Variants in DAB1 observed in about 807,000 individuals in gnomAD.
DAB1 encodes disabled homolog 1.
Under a neutral mutation model 64.6 loss-of-function variants are expected in DAB1, and 15 were observed. That is an observed-to-expected ratio of 0.23 (90% CI 0.16 to 0.36). The LOEUF is 0.36. Among genes scored for constraint, DAB1 ranks in the 10% least tolerant of loss-of-function variants. DAB1 has a pLI of 1.00. For synonymous variants in DAB1, 235 were observed against 251.9 expected (o/e 0.93, Z 0.64); for missense variants, 596 against 706.7 (o/e 0.84, Z 1.78).
At chr1:57,388,588 G>A (rs1032239353) in intron 1 of DAB1, among the ~76,000 whole-genome samples, 3 of 152,106 alleles carry the variant, frequency 2.0e-5, no homozygotes, top group Non-Finnish European at 2.9e-5. Context: ...CTGCAGCTCC[G>A]TTGCACTTCC....
At chr1:58,345,737 A>T (rs769965810) in intron 3 of DAB1, among the ~76,000 whole-genome samples, 1 of 151,758 alleles carries the variant, frequency 6.6e-6, no homozygotes, top group Non-Finnish European at 1.5e-5. Context: ...GCCTAAGAGG[A>T]CCTCTGGCCT....
intron 1 of DAB1, among the ~76,000 whole-genome samples, chr1:57,305,569 C>G (rs988036297): frequency 1.3e-5 from 2 of 152,140 alleles, no homozygotes; most frequent in African/African-American, 4.8e-5. Context: ...CCCTCCCGCT[C>G]CAGGAAGAAT....
At chr1:58,240,933 A>G (rs536739418) in intron 4 of DAB1, among the ~76,000 whole-genome samples, 1 of 152,294 alleles carries the variant, frequency 6.6e-6, no homozygotes, top group South Asian at 2.1e-4. Context: ...AGATAAACTG[A>G]TATTACCAAG....
intron 3 of DAB1, among the ~76,000 whole-genome samples, chr1:58,469,985 T>C (rs576345027): frequency 5.9e-5 from 9 of 152,040 alleles, no homozygotes; most frequent in East Asian, 1.9e-4. Flanking sequence ...CAATAAACGT[T>C]TGTAGAAGTG....
At chr1:57,286,106 C>T (rs1364323862) in intron 2 of DAB1, among the ~76,000 whole-genome samples, 3 of 152,180 alleles carry the variant, frequency 2.0e-5, no homozygotes, top group African/African-American at 7.2e-5. Flanking sequence ...ATTGTGAATA[C>T]TCTAGTTACA....
intron 5 of DAB1, among the ~76,000 whole-genome samples, chr1:57,982,270 A>T (rs1321980054): frequency 2.6e-5 from 4 of 152,228 alleles, no homozygotes; most frequent in African/African-American, 4.8e-5. Context: ...ATTGTCCTTT[A>T]GAACAGAACC....
intron 1 of DAB1, chr1:57,883,893 G>A (rs1452186068): frequency 6.6e-6 from 1 of 152,184 alleles, no homozygotes; most frequent in Non-Finnish European, 1.5e-5. Context: ...GAAGAGTATT[G>A]GAGCCGCTTT....
intron 7 of DAB1, among the ~76,000 whole-genome samples, chr1:57,467,717 G>A (rs1158227796): frequency 1.3e-5 from 2 of 152,042 alleles, no homozygotes; most frequent in African/African-American, 2.4e-5. Context: ...GTCATCATTG[G>A]GGTTTACTAG....
At chr1:57,645,941 T>G in intron 7 of DAB1, among the ~76,000 whole-genome samples, 1 of 152,122 alleles carries the variant, frequency 6.6e-6, no homozygotes, top group East Asian at 1.9e-4. Flanking sequence ...TGTGTGATTC[T>G]ATAAGAATGA....
At chr1:57,546,339 A>G (rs924110027) in intron 7 of DAB1, among the ~76,000 whole-genome samples, 2 of 152,334 alleles carry the variant, frequency 1.3e-5, no homozygotes, top group African/African-American at 4.8e-5. Context: ...GTCTTAACAT[A>G]GCAAGGTCTT....
chr1:57,801,008 T>A (rs1384570321), intron 6 of DAB1, among the ~76,000 whole-genome samples: 1 of 152,248 alleles, frequency 6.6e-6, no homozygotes, highest in Non-Finnish European at 1.5e-5. Context: ...ATCATATCCC[T>A]ACCGATAAAG....
intron 4 of DAB1, among the ~76,000 whole-genome samples, chr1:57,080,217 TC>T (rs1421076432): frequency 2.0e-5 from 3 of 152,116 alleles, no homozygotes. Flanking sequence ...TTAAACAACT[TC>T]CCATTCCCTA....
chr1:57,707,045 G>C (rs1216410057), intron 6 of DAB1, among the ~76,000 whole-genome samples: 1 of 152,056 alleles, frequency 6.6e-6, no homozygotes, highest in African/African-American at 2.4e-5. Flanking sequence ...CTGTCCTCTA[G>C]CCTGGGCAAC....
intron 3 of DAB1, among the ~76,000 whole-genome samples, chr1:58,396,240 C>T (rs948926211): frequency 4.6e-5 from 7 of 152,078 alleles, no homozygotes; most frequent in Non-Finnish European, 7.4e-5. Flanking sequence ...AAGAGGCCAG[C>T]CATTCCCAGG....
chr1:57,888,628 T>C (rs557926258), upstream of DAB1, among the ~76,000 whole-genome samples: 25 of 152,154 alleles, frequency 1.6e-4, no homozygotes, highest in Non-Finnish European at 3.7e-4. Flanking sequence ...GATGACTAAT[T>C]GATAGATAAA....
intron 3 of DAB1, among the ~76,000 whole-genome samples, chr1:58,408,337 T>G (rs773709125): frequency 7.9e-5 from 12 of 152,206 alleles, no homozygotes; most frequent in Non-Finnish European, 1.6e-4. Context: ...ACACAGGCCT[T>G]CCCTGAACAT....
chr1:57,517,947 C>T (rs112729522), intron 7 of DAB1, among the ~76,000 whole-genome samples: 10 of 152,206 alleles, frequency 6.6e-5, no homozygotes, highest in African/African-American at 2.4e-4. Context: ...CTGGAATCCT[C>T]TCTCTAGTAG....
chr1:57,435,046 CTTTTTTT>C (rs71580850), intron 7 of DAB1, among the ~76,000 whole-genome samples: 2 of 93,078 alleles, frequency 2.1e-5, no homozygotes, highest in Non-Finnish European at 4.0e-5. Context: ...TTCTTTTTTT[CTTTTTTT>C]TTTTTTTTTT....
At chr1:57,927,434 C>T (rs1644894846) in intron 5 of DAB1, among the ~76,000 whole-genome samples, 1 of 152,088 alleles carries the variant, frequency 6.6e-6, no homozygotes, top group South Asian at 2.1e-4. Flanking sequence ...CTAGGGAAAT[C>T]CAAGTTGCAC....
Sources: gnomAD v4.1 joint callset for allele counts (sites outside exome capture counted in the v4.1 genomes callset) on GRCh38, gnomAD v4.1.1 for gene constraint, MANE v1.5 for transcripts, NCBI Gene and HGNC (gene_info 2026-07-23, HGNC 2026-07-21) for gene names.